The following TNKS variants were observed in gnomAD, a reference collection of about 807,000 sequenced individuals.
TNKS encodes tankyrase.
Under a neutral mutation model 135.8 loss-of-function variants are expected in TNKS, and 72 were observed. The observed-to-expected ratio is 0.53, with a 90% CI of 0.44 to 0.64. TNKS has a LOEUF of 0.64. Among genes scored for constraint, TNKS ranks in the 30% least tolerant of loss-of-function variants. TNKS has a pLI of 0.00. For synonymous variants in TNKS, 849 were observed against 649.3 expected (o/e 1.31, Z -4.68); for missense variants, 1,769 against 1,674.0 (o/e 1.06, Z -0.99).
chr8:9,659,438 A>G (rs1233010389), intron 3 of TNKS, among the ~76,000 whole-genome samples: 1 of 152,234 alleles, frequency 6.6e-6, no homozygotes, highest in African/African-American at 2.4e-5. Context: ...AAGTCACTCA[A>G]AACTACTCAA....
chr8:9,630,294 G>C (rs1439563189), intron 3 of TNKS, among the ~76,000 whole-genome samples: 1 of 152,274 alleles, frequency 6.6e-6, no homozygotes, highest in East Asian at 1.9e-4. Context: ...TCATAGACTA[G>C]CACTGTTATA....
intron 20 of TNKS, among the ~76,000 whole-genome samples, chr8:9,759,685 C>G (rs1015004961): frequency 6.6e-6 from 1 of 152,124 alleles, no homozygotes; most frequent in African/African-American, 2.4e-5. Context: ...CCAGAAAAGT[C>G]TGACGAGGGC....
intron 2 of TNKS, among the ~76,000 whole-genome samples, chr8:9,607,837 CA>C (rs1355720592): frequency 4.6e-5 from 7 of 152,096 alleles, no homozygotes; most frequent in African/African-American, 1.7e-4. Flanking sequence ...ACTGCTTTGT[CA>C]GGGGCATTCT....
At chr8:9,573,709 G>A (rs758368295) in intron 1 of TNKS, among the ~76,000 whole-genome samples, 1 of 152,082 alleles carries the variant, frequency 6.6e-6, no homozygotes, top group Non-Finnish European at 1.5e-5. Context: ...GTTCTCATTT[G>A]GTATATAAGT....
At chr8:9,761,433 G>A (rs113153577) in intron 20 of TNKS, 83 bp from the exon 21 acceptor site, 163 of 1,408,578 alleles carry the variant, frequency 1.2e-4, no homozygotes, top group African/African-American at 7.5e-4. Flanking sequence ...AATGGTACTC[G>A]TAGCATTGAA....
chr8:9,711,728 G>C (rs1250937473), intron 11 of TNKS, among the ~76,000 whole-genome samples: 2 of 152,088 alleles, frequency 1.3e-5, no homozygotes, highest in Admixed American at 1.3e-4. Context: ...ACACACTTTA[G>C]GTAAATGATA....
chr8:9,692,713 G>C (rs1803335877), intron 5 of TNKS, among the ~76,000 whole-genome samples: 1 of 152,168 alleles, frequency 6.6e-6, no homozygotes, highest in African/African-American at 2.4e-5. Context: ...GAATAAAACA[G>C]CTTTTTTCCT....
chr8:9,650,017 C>T (rs1222217455), intron 3 of TNKS, among the ~76,000 whole-genome samples: 1 of 151,434 alleles, frequency 6.6e-6, no homozygotes, highest in Non-Finnish European at 1.5e-5. Context: ...CTCAGCCTCC[C>T]AAGTAGCTGG....
intron 11 of TNKS, among the ~76,000 whole-genome samples, chr8:9,713,238 G>A (rs1255508412): frequency 1.3e-5 from 2 of 152,158 alleles, no homozygotes; most frequent in Non-Finnish European, 2.9e-5. Context: ...CTTTCAAGCA[G>A]AAAACACTAA....
intron 2 of TNKS, among the ~76,000 whole-genome samples, chr8:9,605,334 G>A (rs1799173428): frequency 1.3e-5 from 2 of 152,030 alleles, no homozygotes; most frequent in South Asian, 4.2e-4. Flanking sequence ...TGAAACGAAA[G>A]TTTGTTTCTT....
rs934088268 is a variant in TNKS, at chr8:9,776,891, A to G, written c.*155A>G. 9 of 668,946 alleles carry G rather than the reference A, an allele frequency of 1.3e-5. No homozygotes were observed. Among genetic ancestry groups the G allele is most frequent in the African/African-American group, 1.1e-4 (6 of 55,328 alleles). The allele number at this position is 668,946 out of a possible 1,614,324, so 41.4% of individuals were successfully genotyped here. ...AAGCATTGCTATAGTGATGAATAGT[A>G]TGAGTAACTGATACATACTCAACTG... On this transcript the variant is annotated 3_prime_UTR_variant, in exon 27 of 27. Coordinates refer to ENST00000310430, the MANE Select transcript of TNKS (RefSeq NM_003747.3).
rs80022017 is a variant in TNKS at position 9,589,889 on chromosome 8, C to G, written c.898+9506C>G. On this transcript the variant is annotated intron_variant, in intron 2 of 26. Coordinates refer to ENST00000310430, the MANE Select transcript of TNKS (RefSeq NM_003747.3). ...GATAATATGTTTCTATAGCTGTCCA[C>G]AAACTCTTCTGAATTAATTCTATAT... is the stretch of plus-strand genomic sequence containing the variant. Among the ~76,000 whole-genome samples the G allele has an allele frequency of 9.1e-3, 1,385 of 152,326 alleles. 17 individuals carry two copies. The highest frequency in any genetic ancestry group is 0.032 in the African/African-American group (1,314 of 41,572).
At chr8:9,724,311 G>T (rs1805053945) in intron 12 of TNKS, among the ~76,000 whole-genome samples, 1 of 151,894 alleles carries the variant, frequency 6.6e-6, no homozygotes, top group African/African-American at 2.4e-5. Context: ...AAATTAGCCG[G>T]GTATGGTGGT....
At chr8:9,720,030 G>C (rs990326324) in intron 11 of TNKS, among the ~76,000 whole-genome samples, 5 of 152,270 alleles carry the variant, frequency 3.3e-5, no homozygotes, top group African/African-American at 1.2e-4. Flanking sequence ...GAAGAATTTG[G>C]TGAGCATCCT....
At chr8:9,625,171 A>G (rs943290780) in intron 3 of TNKS, among the ~76,000 whole-genome samples, 4 of 152,052 alleles carry the variant, frequency 2.6e-5, no homozygotes, top group African/African-American at 9.7e-5. Context: ...CTTTCAAGGA[A>G]TTGGTCAATT....
chr8:9,567,754 A>G (rs930366565), intron 1 of TNKS, among the ~76,000 whole-genome samples: 6 of 152,232 alleles, frequency 3.9e-5, no homozygotes, highest in East Asian at 1.9e-4. Flanking sequence ...TAGAGTTGTT[A>G]GAAAATCTCG....
intron 8 of TNKS, among the ~76,000 whole-genome samples, chr8:9,708,086 T>A (rs1804135940): frequency 6.6e-6 from 1 of 152,188 alleles, no homozygotes; most frequent in South Asian, 2.1e-4. Context: ...TTCCTTTTGG[T>A]GGACATTTAG....
chr8:9,667,716 C>G (rs1417902499), intron 3 of TNKS, among the ~76,000 whole-genome samples: 1 of 152,192 alleles, frequency 6.6e-6, no homozygotes, highest in Non-Finnish European at 1.5e-5. Context: ...TCTTCAGCTG[C>G]ACACACTTCA....
intron 1 of TNKS, among the ~76,000 whole-genome samples, chr8:9,571,984 T>C (rs1797774602): frequency 6.6e-6 from 1 of 152,190 alleles, no homozygotes. Context: ...TATCCCAGAC[T>C]TGGTTAAGTT....
Sources: gnomAD v4.1 joint callset for allele counts (sites outside exome capture counted in the v4.1 genomes callset) on GRCh38, gnomAD v4.1.1 for gene constraint, MANE v1.5 for transcripts, NCBI Gene and HGNC (gene_info 2026-07-23, HGNC 2026-07-21) for gene names.